NECTIN3: variants seen among roughly 807,000 people sequenced by gnomAD.
NECTIN3 encodes the protein nectin cell adhesion molecule 3.
Under a neutral mutation model 49.4 loss-of-function variants are expected in NECTIN3, and 8 were observed. The ratio of observed to expected loss-of-function variants is 0.16; its 90% CI spans 0.10 to 0.29. The LOEUF (loss-of-function observed/expected upper bound fraction) is 0.29, where lower values mean the gene tolerates loss of function less well. NECTIN3 is among the 10% of genes least tolerant of loss of function. The pLI, the probability that NECTIN3 is intolerant of heterozygous loss-of-function variation, is 1.00. For synonymous variants in NECTIN3, 277 were observed against 241.1 expected (o/e 1.15, Z -1.38); for missense variants, 581 against 654.6 (o/e 0.89, Z 1.23).
intron 7 of NECTIN3, among the ~76,000 whole-genome samples, chr3:111,186,347 G>C (rs767688961): frequency 1.1e-4 from 16 of 151,998 alleles, no homozygotes; most frequent in Non-Finnish European, 2.2e-4. Flanking sequence ...GCATAGTACT[G>C]GTACAAAAAC....
chr3:111,127,835 T>C (rs909492915), intron 5 of NECTIN3, among the ~76,000 whole-genome samples: 2 of 152,102 alleles, frequency 1.3e-5, no homozygotes, highest in Non-Finnish European at 2.9e-5. Context: ...CCTAAAGTGC[T>C]GGGATTACAA....
intron 1 of NECTIN3, among the ~76,000 whole-genome samples, chr3:111,108,739 C>T (rs548777141): frequency 1.3e-5 from 2 of 152,158 alleles, no homozygotes; most frequent in East Asian, 3.9e-4. Flanking sequence ...CAAAAGAAAG[C>T]GGGGAAGTGC....
At chr3:111,166,474 A>G (rs1453754169) in intron 7 of NECTIN3, among the ~76,000 whole-genome samples, 1 of 152,182 alleles carries the variant, frequency 6.6e-6, no homozygotes. Context: ...TTATCTACCT[A>G]ATTCCTTTGT....
At position 111,136,129 on chromosome 3, in the gene NECTIN3, G is replaced by T. The variant is rs1194319181; in HGVS notation, c.*1914G>T. The T allele has an allele frequency of 8.1e-6, 8 of 983,654 alleles. No homozygotes were observed. The highest frequency in any genetic ancestry group is 1.2e-6 in the Non-Finnish European group (1 of 828,636). The allele number at this position is 983,654 out of a possible 1,614,324, so 60.9% of individuals were successfully genotyped here. ...TCTAAAATTTCTCCCCATGAAAGAT[G>T]TAAAACTATGGCTTTTTTTAAAATC... On this transcript the variant is annotated 3_prime_UTR_variant, in exon 6 of 6. Transcript: ENST00000485303.
chr3:111,119,029 T>G lies in NECTIN3; in HGVS notation c.799+77T>G, dbSNP rs139597368. The G allele has an allele frequency of 8.3e-5, 102 of 1,223,850 alleles. No homozygotes were observed. In the African/African-American group the frequency reaches 1.4e-3, roughly 17 times the overall value. The allele number at this position is 1,223,850 out of a possible 1,614,324, so 75.8% of individuals were successfully genotyped here. On this transcript the variant is annotated intron_variant, in intron 3 of 5. Coordinates refer to ENST00000485303, the MANE Select transcript of NECTIN3 (RefSeq NM_015480.3). ...AACTATTTTTAGTTTGAATATTTAA[T>G]AGCTTTTCCTTGTTTTTGTTTTTCT...
chr3:111,181,527 A>C (rs2035627031), intron 7 of NECTIN3, among the ~76,000 whole-genome samples: 1 of 152,120 alleles, frequency 6.6e-6, no homozygotes, highest in African/African-American at 2.4e-5. Context: ...AATAATTTTT[A>C]AGAGCAGTGT....
intron 6 of NECTIN3, among the ~76,000 whole-genome samples, chr3:111,145,435 T>C (rs2034850687): frequency 6.6e-6 from 1 of 152,222 alleles, no homozygotes; most frequent in Non-Finnish European, 1.5e-5. Flanking sequence ...TGTATAGATA[T>C]AACTGAACTA....
intron 4 of NECTIN3, among the ~76,000 whole-genome samples, chr3:111,125,232 G>T (rs1173796890): frequency 3.3e-5 from 5 of 151,200 alleles, no homozygotes; most frequent in African/African-American, 1.2e-4. Flanking sequence ...TTTCTCCATG[G>T]TGGCCAGGCT....
Position 111,170,146 on chromosome 3 carries a change from A to G in NECTIN3, c.1222-22205A>G, listed in dbSNP as rs1017671439. 3.9e-5 allele frequency among the ~76,000 whole-genome samples: 6 copies of G among 152,210 alleles called. No homozygotes were observed. The East Asian group carries it at 1.2e-3, about 29-fold the overall frequency. On this transcript the variant is annotated intron_variant, in intron 7 of 8. Transcript: ENST00000493615. ...TCCTTCCCATATTTAATATTGAAGC[A>G]TAAATCTCCGGCTGTGTTCTTCTTT... is the stretch of plus-strand genomic sequence containing the variant.
At chr3:111,158,178 TTGAA>T (rs753601832) in intron 7 of NECTIN3, among the ~76,000 whole-genome samples, 5 of 152,112 alleles carry the variant, frequency 3.3e-5, no homozygotes, top group Non-Finnish European at 4.4e-5. Flanking sequence ...AAAATGCACT[TTGAA>T]TGATATCTTT....
chr3:111,147,705 A>C (rs1413521127), intron 7 of NECTIN3, among the ~76,000 whole-genome samples: 1 of 152,172 alleles, frequency 6.6e-6, no homozygotes, highest in Non-Finnish European at 1.5e-5. Flanking sequence ...TAAGAGATCA[A>C]ATTTTGTCAA....
intron 1 of NECTIN3, among the ~76,000 whole-genome samples, chr3:111,098,418 C>G (rs2032714864): frequency 6.6e-6 from 1 of 152,226 alleles, no homozygotes; most frequent in African/African-American, 2.4e-5. Context: ...CCTCCAGTGG[C>G]TCTAAGGGAG....
At position 111,121,065 on chromosome 3, in the gene NECTIN3, C is replaced by T. The variant is rs2033931312; in HGVS notation, c.800-1056C>T. Among the ~76,000 whole-genome samples, 7 of 145,174 alleles carry T rather than the reference C, an allele frequency of 4.8e-5. No homozygotes were observed. The South Asian group carries it at 8.7e-4, about 18-fold the overall frequency. The stretch of plus-strand genomic sequence containing the variant: ...TCGCCCAGGCTGGAGTGCAGTGGCG[C>T]GAACTAGGCTCACTGCAAGCTCCGC... On this transcript the variant is annotated intron_variant, in intron 3 of 5. Transcript: ENST00000485303.
intron 4 of NECTIN3, among the ~76,000 whole-genome samples, chr3:111,125,841 G>T (rs1384967821): frequency 1.3e-5 from 2 of 152,058 alleles, no homozygotes; most frequent in African/African-American, 4.8e-5. Flanking sequence ...ATTTGATATT[G>T]TATGTATGTC....
chr3:111,094,390 TCTTA>T (rs1393449442), intron 1 of NECTIN3, among the ~76,000 whole-genome samples: 4 of 152,336 alleles, frequency 2.6e-5, no homozygotes, highest in South Asian at 2.1e-4. Flanking sequence ...TAATATTCAG[TCTTA>T]CTTTTTCATA....
intron 7 of NECTIN3, among the ~76,000 whole-genome samples, chr3:111,177,296 G>A (rs189436632): frequency 3.8e-4 from 58 of 151,436 alleles, no homozygotes; most frequent in African/African-American, 9.2e-4. Flanking sequence ...TTCTCTAATC[G>A]ATATTTATTA....
At chr3:111,087,614 C>G (rs1436916609) in intron 1 of NECTIN3, among the ~76,000 whole-genome samples, 1 of 151,998 alleles carries the variant, frequency 6.6e-6, no homozygotes, top group Admixed American at 6.5e-5. Flanking sequence ...GATTGTGCCA[C>G]TGCACTCCAG....
chr3:111,176,670 CT>C (rs143878592), intron 7 of NECTIN3, among the ~76,000 whole-genome samples: 6 of 148,806 alleles, frequency 4.0e-5, no homozygotes, highest in Non-Finnish European at 4.5e-5. Context: ...CCTTTATTTT[CT>C]TTTTTTTTTC....
intron 7 of NECTIN3, among the ~76,000 whole-genome samples, chr3:111,153,909 TTGTC>T (rs1424431101): frequency 1.3e-5 from 2 of 152,046 alleles, no homozygotes; most frequent in Admixed American, 6.6e-5. Flanking sequence ...ATGAAAAAAA[TTGTC>T]TGTGGAGCTT....
Sources: allele counts gnomAD v4.1 joint callset (sites outside exome capture counted in the v4.1 genomes callset), GRCh38; gene constraint gnomAD v4.1.1; transcripts MANE v1.5; gene names NCBI Gene and HGNC (gene_info 2026-07-23, HGNC 2026-07-21).